Variants in SKAP1 observed in about 807,000 individuals in gnomAD.
SKAP1 encodes the protein src kinase-associated phosphoprotein 1.
A neutral mutation model predicts 58.5 loss-of-function variants in SKAP1; 44 were observed. That is an observed-to-expected ratio of 0.75 (90% CI 0.59 to 0.97). SKAP1 has a LOEUF of 0.97. SKAP1 is among the 50% of genes least tolerant of loss of function. The pLI, the probability that SKAP1 is intolerant of heterozygous loss-of-function variation, is 0.00. For synonymous variants in SKAP1, 127 were observed against 149.7 expected (o/e 0.85, Z 1.11); for missense variants, 390 against 435.2 (o/e 0.90, Z 0.92).
At chr17:48,386,932 G>A (rs2067285686) in intron 2 of SKAP1, among the ~76,000 whole-genome samples, 1 of 152,216 alleles carries the variant, frequency 6.6e-6, no homozygotes, top group African/African-American at 2.4e-5. Context: ...ATTAATTCTA[G>A]TTATGCCATA....
At chr17:48,177,232 T>C (rs1026453480) in intron 9 of SKAP1, among the ~76,000 whole-genome samples, 2 of 152,192 alleles carry the variant, frequency 1.3e-5, no homozygotes, top group Non-Finnish European at 2.9e-5. Context: ...GTCTCAGGTC[T>C]GGTTCGAGAG....
chr17:48,411,623 A>C (rs1002461650), intron 1 of SKAP1, among the ~76,000 whole-genome samples: 4 of 152,152 alleles, frequency 2.6e-5, no homozygotes, highest in African/African-American at 7.2e-5. Flanking sequence ...GACAAACATC[A>C]TATCAGCCAG....
At chr17:48,154,973 C>T (rs1178364334) in intron 11 of SKAP1, among the ~76,000 whole-genome samples, 2 of 151,214 alleles carry the variant, frequency 1.3e-5, no homozygotes, top group Non-Finnish European at 2.9e-5. Context: ...GGCAGGAGAA[C>T]CGCTCGAACT....
In SKAP1 at chr17:48,385,892, T is replaced by G. The variant is rs548341088; in HGVS notation, c.152+10788A>C. Reference sequence around the variant, plus strand: ...AGGAGAAATGGTAGAGACAAGGAAGTGCAAAGCTGAATAGGGATGCTGCCG... The same window carrying G: ...AGGAGAAATGGTAGAGACAAGGAAGGGCAAAGCTGAATAGGGATGCTGCCG... On this transcript the variant is annotated intron_variant, in intron 2 of 12. Coordinates refer to ENST00000336915, the MANE Select transcript of SKAP1 (RefSeq NM_003726.4). Among the ~76,000 whole-genome samples the G allele has an allele frequency of 1.8e-4, 27 of 152,180 alleles. No individual in the cohort carries two copies. The South Asian group carries it at 2.5e-3, about 14-fold the overall frequency.
Position 48,350,078 on chromosome 17 carries a change from T to C in SKAP1, c.179-4072A>G, listed in dbSNP as rs141723651. On this transcript the variant is annotated intron_variant, in intron 3 of 12. Transcript: ENST00000336915. ...AAATGAACCATGATGATGTTCCCCTTGTAACTATTTTAGTTCACAGCAAAT... is the reference window on the plus strand; with the variant it reads ...AAATGAACCATGATGATGTTCCCCTCGTAACTATTTTAGTTCACAGCAAAT... Among the ~76,000 whole-genome samples the C allele has an allele frequency of 3.8e-3, 573 of 152,306 alleles. 5 individuals carry two copies. The highest frequency in any genetic ancestry group is 0.024 in the Middle Eastern group (7 of 294).
rs769007968 is a variant in SKAP1, at chr17:48,396,675, C to A, written c.152+5G>T. ...AGAAGATTAATGGAACCAGTTTATA[C>A]AAACCTGGCTTTGATTTGCTGAAAG... On this transcript the variant is annotated splice_donor_5th_base_variant and intron_variant, in intron 2 of 12. Coordinates refer to ENST00000336915, the MANE Select transcript of SKAP1 (RefSeq NM_003726.4). 6.3e-7 allele frequency: 1 copy of A among 1,585,538 alleles called. No individual in the cohort carries two copies. The highest frequency in any genetic ancestry group is 1.7e-5 in the Admixed American group (1 of 59,378).
intron 4 of SKAP1, among the ~76,000 whole-genome samples, chr17:48,204,997 C>CT (rs1567819828): frequency 1.3e-3 from 60 of 44,764 alleles, no homozygotes; most frequent in Middle Eastern, 7.4e-3. Flanking sequence ...TTCTTTCTTT[C>CT]TTTCTTTCTT....
chr17:48,188,163 T>C (rs1360969338), intron 5 of SKAP1, among the ~76,000 whole-genome samples: 1 of 152,226 alleles, frequency 6.6e-6, no homozygotes, highest in Non-Finnish European at 1.5e-5. Context: ...CCCACAGCTG[T>C]CTTTTTATCT....
chr17:48,336,581 C>A (rs2066573323), intron 4 of SKAP1, among the ~76,000 whole-genome samples: 1 of 151,856 alleles, frequency 6.6e-6, no homozygotes, highest in Admixed American at 6.6e-5. Flanking sequence ...AGAGCAATGG[C>A]CTGAAACTAA....
chr17:48,349,331 C>T (rs1318399827), intron 3 of SKAP1, among the ~76,000 whole-genome samples: 1 of 152,202 alleles, frequency 6.6e-6, no homozygotes, highest in African/African-American at 2.4e-5. Flanking sequence ...ACTATAGTGA[C>T]AGACATTTCC....
chr17:48,331,067 A>G (rs1484665152), intron 4 of SKAP1, among the ~76,000 whole-genome samples: 4 of 152,312 alleles, frequency 2.6e-5, no homozygotes, highest in African/African-American at 7.2e-5. Flanking sequence ...GAGGGACCCT[A>G]GAACAAAGAG....
intron 3 of SKAP1, among the ~76,000 whole-genome samples, chr17:48,349,175 T>C (rs944871131): frequency 2.6e-5 from 4 of 152,222 alleles, no homozygotes; most frequent in African/African-American, 9.6e-5. Flanking sequence ...CAGCAATTAT[T>C]GTGGTCATTT....
intron 4 of SKAP1, among the ~76,000 whole-genome samples, chr17:48,264,344 T>C (rs906878095): frequency 1.3e-5 from 2 of 151,650 alleles, no homozygotes; most frequent in African/African-American, 4.9e-5. Flanking sequence ...AAAATTGTTT[T>C]CCACTACATA....
At chr17:48,394,159 G>C (rs965637363) in intron 2 of SKAP1, among the ~76,000 whole-genome samples, 1 of 152,026 alleles carries the variant, frequency 6.6e-6, no homozygotes, top group African/African-American at 2.4e-5. Context: ...GGAGGTCGAG[G>C]CTGCAGCAAG....
intron 4 of SKAP1, among the ~76,000 whole-genome samples, chr17:48,258,656 G>T (rs2065452685): frequency 6.6e-6 from 1 of 152,140 alleles, no homozygotes; most frequent in South Asian, 2.1e-4. Flanking sequence ...TTGTTTAAAA[G>T]TACAAACATA....
intron 4 of SKAP1, among the ~76,000 whole-genome samples, chr17:48,306,926 T>C (rs2066149583): frequency 6.6e-6 from 1 of 152,192 alleles, no homozygotes; most frequent in African/African-American, 2.4e-5. Flanking sequence ...CACTGGAAAA[T>C]ATTAGATCTG....
At chr17:48,149,600 G>C (rs574273868) in intron 11 of SKAP1, among the ~76,000 whole-genome samples, 476 of 152,172 alleles carry the variant, frequency 3.1e-3, no homozygotes, top group Non-Finnish European at 5.0e-3. Context: ...ATCCCTCTAG[G>C]GGGTGTCACA....
rs1346638047 is a variant in SKAP1, at chr17:48,381,557, T to C, written c.152+15123A>G. On this transcript the variant is annotated intron_variant, in intron 2 of 12. Transcript: ENST00000336915. Reference sequence around the variant, plus strand: ...TTACAGTATTATGTATGTGCAGTGTTTTGTATACCTCAATAAAACTGGAAA... The same window carrying C: ...TTACAGTATTATGTATGTGCAGTGTCTTGTATACCTCAATAAAACTGGAAA... 3.3e-5 allele frequency among the ~76,000 whole-genome samples: 5 copies of C among 152,344 alleles called. No individual in the cohort carries two copies. In the East Asian group the frequency reaches 9.6e-4, roughly 29 times the overall value.
chr17:48,335,091 A>G (rs969966036), intron 4 of SKAP1, among the ~76,000 whole-genome samples: 14 of 151,816 alleles, frequency 9.2e-5, no homozygotes, highest in African/African-American at 2.7e-4. Context: ...TTCTCTTACA[A>G]TTCCTCAATT....
Sources: allele counts gnomAD v4.1 joint callset (sites outside exome capture counted in the v4.1 genomes callset), GRCh38; gene constraint gnomAD v4.1.1; transcripts MANE v1.5; gene names NCBI Gene and HGNC (gene_info 2026-07-23, HGNC 2026-07-21).